The following SARM1 variants were observed in gnomAD, a reference collection of about 807,000 sequenced individuals.
The protein encoded by SARM1 is sterile alpha and TIR motif containing 1.
Under a neutral mutation model 65.1 loss-of-function variants are expected in SARM1, and 60 were observed. That is an observed-to-expected ratio of 0.92 (90% CI 0.75 to 1.14). The LOEUF is 1.14. Among genes scored for constraint, SARM1 ranks in the 50% most tolerant of loss-of-function variants. The pLI, the probability that SARM1 is intolerant of heterozygous loss-of-function variation, is 0.00. For missense variants in SARM1, 913 were observed against 1,015.7 expected, an observed-to-expected ratio of 0.90 and a Z score of 1.37; for synonymous variants, 417 against 465.4, an observed-to-expected ratio of 0.90 and a Z score of 1.34.
intron 1 of SARM1, chr17:28,374,270 A>C (rs2067976314): frequency 7.9e-6 from 1 of 126,634 alleles, no homozygotes. Flanking sequence ...ATGACAGAGC[A>C]AGACTCGTCT....
chr17:28,379,881 T>C (rs1408435369), intron 1 of SARM1, among the ~76,000 whole-genome samples: 5 of 152,216 alleles, frequency 3.3e-5, no homozygotes, highest in Admixed American at 1.3e-4. Flanking sequence ...ATTTCTCTGA[T>C]TACTAATGAG....
chr17:28,391,245 G>A (rs2068078264), intron 7 of SARM1, among the ~76,000 whole-genome samples: 1 of 152,186 alleles, frequency 6.6e-6, no homozygotes, highest in Non-Finnish European at 1.5e-5. Context: ...TTGGCTGGTT[G>A]GGTTTTCTTC....
chr17:28,378,654 T>C (rs913553429), intron 1 of SARM1, among the ~76,000 whole-genome samples: 3 of 152,108 alleles, frequency 2.0e-5, no homozygotes, highest in Non-Finnish European at 2.9e-5. Flanking sequence ...TTTTTTGGGT[T>C]TTTTGTTTGT....
Position 28,384,919 on chromosome 17 carries a change from C to A in SARM1, c.1383C>A (p.Ile461=), listed in dbSNP as rs975860706. ...LQTDLGMKSG[I]TRKRFFRELT... The stretch of plus-strand genomic sequence containing the variant: ...CCGACCTGGGCATGAAATCGGGCAT[C>A]ACCCGCAAGAGGTACGGAGCCTCCT... Residue 461 remains isoleucine (I), a synonymous_variant, in exon 4 of 9, where the codon ATC becomes ATA. Coordinates refer to ENST00000585482, the MANE Select transcript of SARM1 (RefSeq NM_015077.4). The surrounding 1 kb of genome is among the most constrained non-coding windows in gnomAD (Gnocchi z 4.4). 6 of 1,566,862 alleles carry A rather than the reference C, an allele frequency of 3.8e-6. No homozygotes were observed. The Admixed American group carries it at 1.1e-4, about 30-fold the overall frequency.
chr17:28,381,470 A>G lies in SARM1; in HGVS notation c.738A>G (p.Val246=). The G allele has an allele frequency of 9.7e-6, 15 of 1,552,746 alleles. No individual in the cohort carries two copies. The highest frequency in any genetic ancestry group is 1.3e-5 in the Non-Finnish European group (15 of 1,148,536). Reference sequence around the variant, plus strand: ...GCCAGGCGGTGCAGCGACGCATGGTAGAGAAGCGCGCAGCCGAGTGGCTCT... The same window carrying G: ...GCCAGGCGGTGCAGCGACGCATGGTGGAGAAGCGCGCAGCCGAGTGGCTCT... ...HGGQAVQRRM[V]EKRAAEWLFP... Residue 246 remains valine, a synonymous_variant, in exon 2 of 9, where the codon GTA becomes GTG. Coordinates refer to ENST00000585482, the MANE Select transcript of SARM1 (RefSeq NM_015077.4).
rs1597827408 is a variant in SARM1 at position 28,396,884 on chromosome 17, T to C, written c.*598T>C. 1 of 152,486 alleles carries C rather than the reference T, an allele frequency of 6.6e-6. No individual in the cohort carries two copies. The highest frequency in any genetic ancestry group is 2.1e-4 in the South Asian group (1 of 4,844). 9.4% of individuals were successfully genotyped at this position (152,486 alleles called of 1,614,324 possible). ...CCAGATCCCCTACAGCTTCCTTCGG[T>C]GTGGTATCTTTTGCCACATCCAGGG... On this transcript the variant is annotated 3_prime_UTR_variant, in exon 9 of 9. Coordinates refer to ENST00000585482, the MANE Select transcript of SARM1 (RefSeq NM_015077.4).
chr17:28,385,030 TG>T lies in SARM1; in HGVS notation c.1395-6del. On this transcript the variant is annotated splice_polypyrimidine_tract_variant and intron_variant, in intron 4 of 8. Coordinates refer to ENST00000585482, the MANE Select transcript of SARM1 (RefSeq NM_015077.4). This position sits in a 1 kb window ranked among gnomAD's most constrained non-coding sequence, Gnocchi z 4.5. ...CTGGACCTCAGCGTCTTCTCCTCCG[TG>T]GGGTGCAGGTTCTTTAGGGAGCTCA... The T allele has an allele frequency of 1.2e-6, 2 of 1,612,512 alleles. No homozygotes were observed. Among genetic ancestry groups the T allele is most frequent in the Non-Finnish European group, 1.7e-6 (2 of 1,178,806 alleles).
At position 28,402,042 on chromosome 17, in the gene SARM1, C is replaced by A. The variant is rs1400972557; in HGVS notation, c.*5756C>A. The stretch of plus-strand genomic sequence containing the variant: ...CTGCTGACTGCAAATCCCAACTCTG[C>A]GGTTTGAAAATCCAAGGTGGCATGA... On this transcript the variant is annotated 3_prime_UTR_variant, in exon 9 of 9. Coordinates refer to ENST00000585482, the MANE Select transcript of SARM1 (RefSeq NM_015077.4). 3 of 524,136 alleles carry A rather than the reference C, an allele frequency of 5.7e-6. No individual in the cohort carries two copies. The South Asian group carries it at 8.3e-5, about 15-fold the overall frequency. 32.5% of individuals were successfully genotyped at this position (524,136 alleles called of 1,614,324 possible).
chr17:28,393,312 G>A lies in SARM1; in HGVS notation c.1924-2593G>A, dbSNP rs549246361. ...GCCTGTGATCCCAACACTTTGGGAT[G>A]CTAAGGTGGGAGGATCACTTGAGGC... On this transcript the variant is annotated intron_variant, in intron 7 of 8. Coordinates refer to ENST00000585482, the MANE Select transcript of SARM1 (RefSeq NM_015077.4). Among the ~76,000 whole-genome samples the A allele has an allele frequency of 1.1e-3, 161 of 152,292 alleles. 4 individuals are homozygous for A. In the East Asian group the frequency reaches 0.024, roughly 23 times the overall value.
Position 28,381,466 on chromosome 17 carries a change from TG to T in SARM1, c.736del (p.Val246Ter). ...LHGGQAVQRR[M>X]VEKRAAEWLF... ...GGGGGCCAGGCGGTGCAGCGACGCATGGTAGAGAAGCGCGCAGCCGAGTGGC... is the reference window on the plus strand; with the variant it reads ...GGGGGCCAGGCGGTGCAGCGACGCATGTAGAGAAGCGCGCAGCCGAGTGGC... On this transcript the variant is annotated frameshift_variant, in exon 2 of 9. Transcript: ENST00000585482. LOFTEE classifies it high-confidence loss of function. 6.4e-7 allele frequency: 1 copy of T among 1,552,162 alleles called. No homozygotes were observed. The highest frequency in any genetic ancestry group is 1.4e-5 in the African/African-American group (1 of 73,312).
chr17:28,385,210 A>G lies in SARM1; in HGVS notation c.1565A>G (p.Gln522Arg). 1 of 1,602,076 alleles carries G rather than the reference A, an allele frequency of 6.2e-7. No individual in the cohort carries two copies. The highest frequency in any genetic ancestry group is 8.5e-7 in the Non-Finnish European group (1 of 1,176,888). The stretch of plus-strand genomic sequence containing the variant: ...CTGCTGCACCGCGTGTCTGAGCAGC[A>G]GCTGCTGGAAGACTGCGGCATCCAC... ...RSLLHRVSEQ[Q>R]LLEDCGIHLG... is the part of the protein sequence containing the mutation. The change falls in exon 5 of 9, where the codon CAG becomes CGG. Residue 522 changes from glutamine to arginine, a missense_variant. Gln to Arg is a conservative substitution (Grantham distance 43, BLOSUM62 1). Around this residue, in one of 3 missense-constraint regions of SARM1, gnomAD observed 862 missense variants for 952.1 expected, o/e 0.91. Transcript: ENST00000585482. This position sits in a 1 kb window ranked among gnomAD's most constrained non-coding sequence, Gnocchi z 4.5.
At chr17:28,376,662 G>T (rs1382338964) in intron 1 of SARM1, among the ~76,000 whole-genome samples, 1 of 152,118 alleles carries the variant, frequency 6.6e-6, no homozygotes, top group Non-Finnish European at 1.5e-5. Context: ...TAGAGACAGG[G>T]TCTTTCTATG....
intron 1 of SARM1, among the ~76,000 whole-genome samples, chr17:28,375,917 GTC>G (rs2067986683): frequency 1.3e-5 from 2 of 152,210 alleles, no homozygotes; most frequent in African/African-American, 4.8e-5. Context: ...TCCAGAGAGA[GTC>G]TCTGCATATA....
At chr17:28,396,063 A>G (rs1186974608) in intron 8 of SARM1, 37 bp downstream of exon 8, 12 of 1,613,430 alleles carry the variant, frequency 7.4e-6, no homozygotes, top group Non-Finnish European at 9.3e-6. Context: ...GGGGTAGGGT[A>G]CAAATCACCA....
At chr17:28,389,898 G>T (rs4795434) in intron 7 of SARM1, among the ~76,000 whole-genome samples, 87,041 of 151,886 alleles carry the variant, frequency 0.57, 25,514 homozygotes, top group East Asian at 0.72. Flanking sequence ...ATACAAGTTG[G>T]TGTAAATGCT....
intron 2 of SARM1, 108 bp downstream of exon 2, chr17:28,381,929 A>G: frequency 7.8e-7 from 1 of 1,288,206 alleles, no homozygotes. Flanking sequence ...TCAGAATTAG[A>G]TGAAGCAAGA....
At chr17:28,391,497 A>T (rs2068079332) in intron 7 of SARM1, among the ~76,000 whole-genome samples, 1 of 152,116 alleles carries the variant, frequency 6.6e-6, no homozygotes, top group Non-Finnish European at 1.5e-5. Flanking sequence ...GGAGGGGCTG[A>T]GTACTAGGCC....
chr17:28,375,666 G>A (rs375503775), intron 1 of SARM1, among the ~76,000 whole-genome samples: 3 of 151,610 alleles, frequency 2.0e-5, no homozygotes, highest in Admixed American at 6.6e-5. Flanking sequence ...CACACAAAAG[G>A]TATACAGTTA....
Position 28,371,892 on chromosome 17 carries a change from C to T in SARM1, c.-141C>T. 3.4e-6 allele frequency: 2 copies of T among 581,826 alleles called. No homozygotes were observed. The highest frequency in any genetic ancestry group is 3.5e-5 in the East Asian group (1 of 28,610). 36.0% of individuals were successfully genotyped at this position (581,826 alleles called of 1,614,324 possible). On this transcript the variant is annotated 5_prime_UTR_variant, in exon 1 of 9. Coordinates refer to ENST00000585482, the MANE Select transcript of SARM1 (RefSeq NM_015077.4). The stretch of plus-strand genomic sequence containing the variant: ...CCTCCCCCAAACTTCTGACCGGCAC[C>T]CTTGCCTGGTACCCTTCTCTCCATT...
Sources: allele counts gnomAD v4.1 joint callset (sites outside exome capture counted in the v4.1 genomes callset), GRCh38; gene constraint gnomAD v4.1.1; regional missense constraint gnomAD v4.1.1; non-coding constraint Gnocchi (gnomAD v3.1); transcripts MANE v1.5; gene names NCBI Gene and HGNC (gene_info 2026-07-23, HGNC 2026-07-21).